The following AGMO variants were observed in gnomAD, a reference collection of about 807,000 sequenced individuals.
AGMO encodes the protein alkylglycerol monooxygenase, also known as glyceryl-ether monooxygenase.
A neutral mutation model predicts 60.2 loss-of-function variants in AGMO; 75 were observed. That is an observed-to-expected ratio of 1.25 (90% CI 1.03 to 1.51). AGMO has a LOEUF of 1.51. Among genes scored for constraint, AGMO ranks in the 40% most tolerant of loss-of-function variants. The probability of loss-of-function intolerance (pLI) is 0.00; values close to 1 mark genes in which losing one functional copy is unlikely to be tolerated. For synonymous variants in AGMO, 261 were observed against 177.1 expected (o/e 1.47, Z -3.76); for missense variants, 763 against 525.5 (o/e 1.45, Z -4.42).
chr7:15,508,558 A>G (rs1201335938), intron 3 of AGMO, among the ~76,000 whole-genome samples: 1 of 152,120 alleles, frequency 6.6e-6, no homozygotes, highest in Non-Finnish European at 1.5e-5. Flanking sequence ...AAAAGTGTAT[A>G]AAGAGATAAG....
the AGMO span, among the ~76,000 whole-genome samples, chr7:15,131,053 CTG>C: frequency 1.4e-4 from 21 of 149,670 alleles, no homozygotes; most frequent in Non-Finnish European, 1.5e-4. Context: ...GCTTGTATTT[CTG>C]TGTGTGTGTG....
chr7:15,333,970 C>G (rs1299822988), intron 12 of AGMO, among the ~76,000 whole-genome samples: 1 of 151,832 alleles, frequency 6.6e-6, no homozygotes, highest in African/African-American at 2.4e-5. Flanking sequence ...CCATAGAATA[C>G]AAGTAAGTCC....
chr7:15,194,605 C>A, the AGMO span, among the ~76,000 whole-genome samples: 1 of 152,100 alleles, frequency 6.6e-6, no homozygotes, highest in Non-Finnish European at 1.5e-5. Context: ...GATCTTCCCC[C>A]ACCCTGTGAA....
chr7:15,387,330 C>CA, intron 9 of AGMO, 76 bp downstream of exon 9: 1 of 1,495,542 alleles, frequency 6.7e-7, no homozygotes, highest in Non-Finnish European at 9.1e-7. Context: ...ATGAAAACAG[C>CA]GTATGTACAG....
At chr7:15,130,820 A>C in the AGMO span, among the ~76,000 whole-genome samples, 1 of 152,160 alleles carries the variant, frequency 6.6e-6, no homozygotes, top group Non-Finnish European at 1.5e-5. Context: ...TGTGCTATGT[A>C]TATATACAAA....
intron 12 of AGMO, among the ~76,000 whole-genome samples, chr7:15,250,063 G>A (rs1782885752): frequency 6.6e-6 from 1 of 152,108 alleles, no homozygotes; most frequent in Non-Finnish European, 1.5e-5. Context: ...TAATCTTTTA[G>A]TAAGTGTAGT....
chr7:15,240,602 C>T (rs545606290), intron 12 of AGMO, among the ~76,000 whole-genome samples: 1 of 152,222 alleles, frequency 6.6e-6, no homozygotes, highest in Non-Finnish European at 1.5e-5. Flanking sequence ...CAAAATCAAC[C>T]TGAGAATGTT....
chr7:15,322,862 AAC>A (rs1480538520), intron 12 of AGMO, among the ~76,000 whole-genome samples: 17 of 146,004 alleles, frequency 1.2e-4, no homozygotes, highest in African/African-American at 3.0e-4. Flanking sequence ...TGTGACACAT[AAC>A]ACAAAATTAT....
intron 12 of AGMO, among the ~76,000 whole-genome samples, chr7:15,223,635 G>C (rs1781986967): frequency 1.3e-5 from 2 of 151,750 alleles, no homozygotes; most frequent in African/African-American, 4.8e-5. Context: ...AGAATTATTG[G>C]AGTTATAAAA....
intron 3 of AGMO, among the ~76,000 whole-genome samples, chr7:15,448,655 A>G (rs1781772868): frequency 6.6e-6 from 1 of 151,360 alleles, no homozygotes; most frequent in East Asian, 1.9e-4. Flanking sequence ...AAGATTTTAG[A>G]AAATATAAGC....
chr7:15,201,758 G>C (rs1300010533), intron 12 of AGMO, among the ~76,000 whole-genome samples: 2 of 152,078 alleles, frequency 1.3e-5, no homozygotes, highest in East Asian at 3.9e-4. Context: ...TAAAAACACT[G>C]TTAAAGAATC....
At chr7:15,154,422 T>C in the AGMO span, among the ~76,000 whole-genome samples, 2 of 152,326 alleles carry the variant, frequency 1.3e-5, no homozygotes, top group East Asian at 1.9e-4. Flanking sequence ...TGCTCATGGA[T>C]AGCAACACTC....
chr7:15,171,127 G>A, the AGMO span, among the ~76,000 whole-genome samples: 3 of 151,896 alleles, frequency 2.0e-5, no homozygotes, highest in South Asian at 2.1e-4. Flanking sequence ...GACTGCAGGC[G>A]CCCGCCACCA....
intron 5 of AGMO, among the ~76,000 whole-genome samples, chr7:15,415,285 C>A (rs1780732757): frequency 6.6e-6 from 1 of 152,012 alleles, no homozygotes; most frequent in African/African-American, 2.4e-5. Flanking sequence ...AGGCTCACTC[C>A]TGTAATCCCA....
intron 12 of AGMO, among the ~76,000 whole-genome samples, chr7:15,202,489 A>AAAAAAAAAAAAAACC: frequency 7.6e-6 from 1 of 132,054 alleles, no homozygotes; most frequent in Non-Finnish European, 1.6e-5. Flanking sequence ...AAAAAAAAAA[A>AAAAAAAAAAAAAACC]CCCTCCCAAA....
intron 4 of AGMO, among the ~76,000 whole-genome samples, chr7:15,423,949 C>A (rs780615381): frequency 1.9e-4 from 29 of 152,002 alleles, no homozygotes; most frequent in Non-Finnish European, 3.8e-4. Flanking sequence ...TTACAGCAGC[C>A]TCAGGAAATT....
chr7:15,165,842 T>C, the AGMO span, among the ~76,000 whole-genome samples: 1 of 152,158 alleles, frequency 6.6e-6, no homozygotes, highest in Non-Finnish European at 1.5e-5. Flanking sequence ...ATTAAAATAA[T>C]GGGAACCTAA....
chr7:15,483,903 T>C (rs1200844116), intron 3 of AGMO, among the ~76,000 whole-genome samples: 2 of 152,202 alleles, frequency 1.3e-5, no homozygotes, highest in African/African-American at 4.8e-5. Context: ...GAACCTAACC[T>C]ACCTAATATC....
In AGMO at chr7:15,357,241, C is replaced by G. The variant is rs1006968373; in HGVS notation, c.1263+8273G>C. On this transcript the variant is annotated intron_variant, in intron 12 of 12. Coordinates refer to ENST00000342526, the MANE Select transcript of AGMO (RefSeq NM_001004320.2). ...TGTGTGTGTGTGTTTCACCTTGAAC[C>G]CAAAAGTACGTATATAGCAGACTAG... Among the ~76,000 whole-genome samples, 34 of 136,358 alleles carry G rather than the reference C, an allele frequency of 2.5e-4. 1 individual carries two copies. Among genetic ancestry groups the G allele is most frequent in the African/African-American group, 8.9e-4 (32 of 35,852 alleles). The allele number at this position is 136,358 out of a possible 152,430, so 89.5% of individuals were successfully genotyped here.
Sources: allele counts gnomAD v4.1 joint callset (sites outside exome capture counted in the v4.1 genomes callset), GRCh38; gene constraint gnomAD v4.1.1; transcripts MANE v1.5; gene names NCBI Gene and HGNC (gene_info 2026-07-23, HGNC 2026-07-21).